MCFD2: variants seen among roughly 807,000 people sequenced by gnomAD.
MCFD2 encodes the protein multiple coagulation factor deficiency protein 2.
MCFD2 carries 11 observed loss-of-function variants against 12.8 expected under a neutral mutation model. That is an observed-to-expected ratio of 0.86 (90% CI 0.54 to 1.42). The LOEUF is 1.42. MCFD2 is among the 40% of genes most tolerant of loss of function. The pLI is 0.00. For synonymous variants in MCFD2, 70 were observed against 68.1 expected (o/e 1.03, Z -0.14); for missense variants, 191 against 178.6 (o/e 1.07, Z -0.40).
chr2:46,917,495 C>T (rs929258863), upstream of MCFD2, among the ~76,000 whole-genome samples: 1 of 152,180 alleles, frequency 6.6e-6, no homozygotes, highest in Admixed American at 6.5e-5. Context: ...CTTCTATGTA[C>T]TAGGCGCTCT....
rs965279819 is a variant in MCFD2, at chr2:46,941,097, G to C, written c.-8+475C>G. 5.4e-5 allele frequency: 8 copies of C among 148,964 alleles called. No homozygotes were observed. The highest frequency in any genetic ancestry group is 2.0e-4 in the African/African-American group (8 of 40,902). The allele number at this position is 148,964 out of a possible 1,614,324, so 9.2% of individuals were successfully genotyped here. ...GGCCGCGAGCGCCCTTCGCGCGCCT[G>C]GCTGCTGTGGCCGCGCTGGCAGCCA... is the stretch of plus-strand genomic sequence containing the variant. On this transcript the variant is annotated intron_variant, in intron 1 of 2. Coordinates refer to the MCFD2 transcript ENST00000409147. The surrounding 1 kb of genome is among the most constrained non-coding windows in gnomAD (Gnocchi z 4.2).
intron 1 of MCFD2, among the ~76,000 whole-genome samples, chr2:46,935,563 T>G (rs577586989): frequency 1.3e-5 from 2 of 152,270 alleles, no homozygotes; most frequent in Admixed American, 6.5e-5. Context: ...TCACAAAAAT[T>G]GTCTTGATGG....
intron 1 of MCFD2, among the ~76,000 whole-genome samples, chr2:46,912,991 A>T (rs887773021): frequency 9.2e-5 from 14 of 152,078 alleles, no homozygotes. Flanking sequence ...TTGGATGCTT[A>T]GTATATCAAT....
rs758788490 is a variant in MCFD2, at chr2:46,913,266, G to A, written c.-7+2457C>T. Among the ~76,000 whole-genome samples, 90 of 152,076 alleles carry A rather than the reference G, an allele frequency of 5.9e-4. 1 individual carries two copies. Among genetic ancestry groups the A allele is most frequent in the Non-Finnish European group, 9.0e-4 (61 of 68,020 alleles). ...GTGGTACACTGAAAACAGGGAATCG[G>A]GCTGGGCATGGTGGCTTATGCCTGT... On this transcript the variant is annotated intron_variant, in intron 1 of 3. Coordinates refer to ENST00000319466, the MANE Select transcript of MCFD2 (RefSeq NM_139279.6).
chr2:46,921,848 A>C (rs1358145314), intron 1 of MCFD2, among the ~76,000 whole-genome samples: 1 of 152,044 alleles, frequency 6.6e-6, no homozygotes, highest in Non-Finnish European at 1.5e-5. Context: ...TCCTGTGAGA[A>C]TCTCATGCCG....
chr2:46,934,787 CTTTTTTTTTT>C (rs1161003607), intron 1 of MCFD2, among the ~76,000 whole-genome samples: 22 of 66,914 alleles, frequency 3.3e-4, no homozygotes, highest in African/African-American at 9.7e-4. Context: ...GACTACTGCT[CTTTTTTTTTT>C]TTTTTTTTTT....
chr2:46,920,649 G>T (rs1223800491), upstream of MCFD2, among the ~76,000 whole-genome samples: 3 of 136,322 alleles, frequency 2.2e-5, no homozygotes, highest in Non-Finnish European at 3.3e-5. Context: ...AGGCTTTTTT[G>T]AAAAAAAAAA....
chr2:46,934,802 T>C (rs1375640049), intron 1 of MCFD2, among the ~76,000 whole-genome samples: 4 of 122,916 alleles, frequency 3.3e-5, no homozygotes, highest in Middle Eastern at 3.8e-3. Flanking sequence ...TTTTTTTTTT[T>C]TTTTTTTTTT....
At chr2:46,916,781 C>G (rs981838549), upstream of MCFD2, among the ~76,000 whole-genome samples, 1 of 151,826 alleles carries the variant, frequency 6.6e-6, no homozygotes, top group Non-Finnish European at 1.5e-5. Flanking sequence ...ATTACAGGCG[C>G]GTGCCACCTT....
chr2:46,920,366 A>G (rs1278035455), upstream of MCFD2, among the ~76,000 whole-genome samples: 2 of 151,950 alleles, frequency 1.3e-5, no homozygotes, highest in South Asian at 2.1e-4. Flanking sequence ...GTCTTGCTCA[A>G]TTGCCCAGGC....
intron 1 of MCFD2, among the ~76,000 whole-genome samples, chr2:46,915,294 C>T: frequency 6.6e-6 from 1 of 152,182 alleles, no homozygotes; most frequent in East Asian, 1.9e-4. Flanking sequence ...TGGCCATGCC[C>T]AGAGAGGGAA....
rs1015397470 is a variant in MCFD2, at chr2:46,907,304, T to C, written c.309+506A>G. ...GCCCTGGGACTTCTGCCTCAGCAAGTTATCCTTTGCGGGAAGGATCGTTGG... is the reference window on the plus strand; with the variant it reads ...GCCCTGGGACTTCTGCCTCAGCAAGCTATCCTTTGCGGGAAGGATCGTTGG... On this transcript the variant is annotated intron_variant, in intron 3 of 3. Coordinates refer to ENST00000319466, the MANE Select transcript of MCFD2 (RefSeq NM_139279.6). The surrounding 1 kb of genome is among the most constrained non-coding windows in gnomAD (Gnocchi z 4.1). 1.1e-5 allele frequency: 2 copies of C among 180,424 alleles called. No homozygotes were observed. The highest frequency in any genetic ancestry group is 1.1e-4 in the Admixed American group (2 of 18,382). The allele number at this position is 180,424 out of a possible 1,614,324, so 11.2% of individuals were successfully genotyped here. A position where few individuals can be genotyped will look rare whatever the true frequency, so the allele number is the denominator to read the frequency against.
At chr2:46,917,992 A>G (rs1271343742), upstream of MCFD2, among the ~76,000 whole-genome samples, 2 of 152,074 alleles carry the variant, frequency 1.3e-5, no homozygotes, top group East Asian at 3.9e-4. Flanking sequence ...TCCCTATGTG[A>G]GTTTACCTAG....
At position 46,937,165 on chromosome 2, in the gene MCFD2, ACTTC is replaced by A. The variant is rs1364900786; in HGVS notation, c.-8+4403_-8+4406del. On this transcript the variant is annotated intron_variant, in intron 1 of 2. Transcript: ENST00000409147. The surrounding 1 kb of genome is among the most constrained non-coding windows in gnomAD (Gnocchi z 4.0). ...GCCACCATGCCCAACCCCAAAAATT[ACTTC>A]CTTAACAGATTTCTTGGCCAAAGCA... is the stretch of plus-strand genomic sequence containing the variant. 6.6e-6 allele frequency among the ~76,000 whole-genome samples: 1 copy of A among 152,112 alleles called. No individual in the cohort carries two copies. Among genetic ancestry groups the A allele is most frequent in the Non-Finnish European group, 1.5e-5 (1 of 67,996 alleles).
rs991969165 is a variant in MCFD2, at chr2:46,941,376, C to G, written c.-8+196G>C. On this transcript the variant is annotated intron_variant, in intron 1 of 2. Transcript: ENST00000409147. This position sits in a 1 kb window ranked among gnomAD's most constrained non-coding sequence, Gnocchi z 4.2. ...CTGGGAGCTGCTGGTGCTGCTGCTG[C>G]TGCTGCTGCCCACCCTCCGCCGCCC... The G allele has an allele frequency of 6.6e-6, 3 of 457,692 alleles. No individual in the cohort carries two copies. Among genetic ancestry groups the G allele is most frequent in the African/African-American group, 6.2e-5 (3 of 48,282 alleles). The allele number at this position is 457,692 out of a possible 1,614,324, so 28.4% of individuals were successfully genotyped here. A position where few individuals can be genotyped will look rare whatever the true frequency, so the allele number is the denominator to read the frequency against.
chr2:46,933,998 G>A (rs1169807222), intron 1 of MCFD2, among the ~76,000 whole-genome samples: 1 of 152,134 alleles, frequency 6.6e-6, no homozygotes, highest in Non-Finnish European at 1.5e-5. Flanking sequence ...AGCACTTGGT[G>A]ACCTCCAGCC....
rs886056118 is a variant in MCFD2, at chr2:46,907,883, A to G, written c.236T>C (p.Met79Thr). 3.8e-5 allele frequency: 61 copies of G among 1,614,120 alleles called. No homozygotes were observed. The highest frequency in any genetic ancestry group is 5.2e-5 in the Non-Finnish European group (61 of 1,180,052). The change falls in exon 3 of 4, where the codon ATG becomes ACG. Residue 79 changes from methionine (M) to threonine (T), a missense_variant. Met to Thr is a moderately conservative substitution (Grantham distance 81). Coordinates refer to ENST00000319466, the MANE Select transcript of MCFD2 (RefSeq NM_139279.6). This position sits in a 1 kb window ranked among gnomAD's most constrained non-coding sequence, Gnocchi z 4.1. ...PQELQLHYFK[M>T]HDYDGNNLLD... ...CAAATTATTGCCATCATAATCATGC[A>G]TTTTGAAGTAATGGAGCTGCAATTC... is the stretch of plus-strand genomic sequence containing the variant.
chr2:46,932,018 G>A lies in MCFD2; in HGVS notation c.-8+9554C>T, dbSNP rs139037339. Reference sequence around the variant, plus strand: ...GAAGAAAAATCATATGACAATCTCAGTAAGTGCAAAGAAGTATTCGTAAAA... The same window carrying A: ...GAAGAAAAATCATATGACAATCTCAATAAGTGCAAAGAAGTATTCGTAAAA... On this transcript the variant is annotated intron_variant, in intron 1 of 2. Coordinates refer to the MCFD2 transcript ENST00000409147. Among the ~76,000 whole-genome samples, 297 of 152,216 alleles carry A rather than the reference G, an allele frequency of 2.0e-3. 1 individual carries two copies. Among genetic ancestry groups the A allele is most frequent in the Non-Finnish European group, 2.4e-3 (166 of 68,018 alleles).
rs536033900 is a variant in MCFD2 at position 46,932,467 on chromosome 2, C to A, written c.-8+9105G>T. 4.2e-4 allele frequency among the ~76,000 whole-genome samples: 64 copies of A among 152,130 alleles called. 1 individual carries two copies. In the South Asian group the frequency reaches 0.013, roughly 31 times the overall value. On this transcript the variant is annotated intron_variant, in intron 1 of 2. Transcript: ENST00000409147. The stretch of plus-strand genomic sequence containing the variant: ...CCCAGCCTGAAACCTTATTTATTGA[C>A]CCTAGTTGATGGTTAATAAGAGTTT...
Sources: gnomAD v4.1 joint callset for allele counts (sites outside exome capture counted in the v4.1 genomes callset) on GRCh38, gnomAD v4.1.1 for gene constraint, Gnocchi (gnomAD v3.1) non-coding constraint, MANE v1.5 for transcripts, NCBI Gene and HGNC (gene_info 2026-07-23, HGNC 2026-07-21) for gene names.